Variants in PCDH11X observed in about 807,000 individuals in gnomAD.
PCDH11X encodes protocadherin-11 X-linked.
A neutral mutation model predicts 53.3 loss-of-function variants in PCDH11X; 18 were observed. The ratio of observed to expected loss-of-function variants is 0.34; its 90% CI spans 0.23 to 0.50. PCDH11X has a LOEUF of 0.50. PCDH11X is among the 20% of genes least tolerant of loss of function. The pLI is 0.98. For missense variants in PCDH11X, 570 were observed against 1,032.4 expected, an observed-to-expected ratio of 0.55 and a Z score of 6.14; for synonymous variants, 279 against 393.3, an observed-to-expected ratio of 0.71 and a Z score of 3.44.
intron 6 of PCDH11X, among the ~76,000 whole-genome samples, chrX:91,973,602 A>G: frequency 9.8e-6 from 1 of 102,520 alleles, no homozygotes; most frequent in South Asian, 4.6e-4. Context: ...GCACACCATA[A>G]GTATATACAA....
intron 1 of PCDH11X, among the ~76,000 whole-genome samples, chrX:91,792,552 C>T (rs1203327731): frequency 1.8e-5 from 2 of 110,958 alleles, no homozygotes; most frequent in African/African-American, 3.3e-5. Flanking sequence ...CTGTATAATA[C>T]ATACTAAATG....
At chrX:92,575,098 A>G (rs1157237671) in intron 10 of PCDH11X, among the ~76,000 whole-genome samples, 1 of 111,018 alleles carries the variant, frequency 9.0e-6, no homozygotes, top group African/African-American at 3.3e-5. Flanking sequence ...TTGGTTTGCT[A>G]TATTATTTTA....
chrX:91,822,295 A>T (rs1305016256), intron 4 of PCDH11X, among the ~76,000 whole-genome samples: 5 of 106,067 alleles, frequency 4.7e-5, no homozygotes, highest in Admixed American at 2.0e-4. Context: ...CTGTGAATCC[A>T]TCTGGTCCTG....
intron 5 of PCDH11X, among the ~76,000 whole-genome samples, chrX:91,874,321 A>G (rs1602403260): frequency 9.1e-6 from 1 of 110,474 alleles, no homozygotes; most frequent in South Asian, 3.8e-4. Flanking sequence ...AATATGCAGT[A>G]TATCAAATAA....
intron 6 of PCDH11X, among the ~76,000 whole-genome samples, chrX:92,184,884 A>G (rs756686043): frequency 1.3e-4 from 14 of 110,624 alleles, no homozygotes; most frequent in African/African-American, 4.6e-4. Flanking sequence ...TCTCTACAAC[A>G]AAAATAATAA....
intron 8 of PCDH11X, among the ~76,000 whole-genome samples, chrX:92,269,914 C>T (rs2067914622): frequency 9.0e-6 from 1 of 110,948 alleles, no homozygotes; most frequent in African/African-American, 3.3e-5. Context: ...CTGCTTCCTA[C>T]ATCCAAACTT....
chrX:91,968,259 T>C (rs2061895411), intron 6 of PCDH11X, among the ~76,000 whole-genome samples: 1 of 111,644 alleles, frequency 9.0e-6, no homozygotes, highest in Non-Finnish European at 1.9e-5. Context: ...CTGTGCTGTT[T>C]TAATATTTTT....
At chrX:92,001,204 A>G (rs888199389) in intron 6 of PCDH11X, among the ~76,000 whole-genome samples, 4 of 111,573 alleles carry the variant, frequency 3.6e-5, no homozygotes, top group Non-Finnish European at 7.5e-5. Flanking sequence ...AACTGTATAT[A>G]AGAATTATTT....
At chrX:91,921,903 C>G (rs1941754524) in intron 6 of PCDH11X, among the ~76,000 whole-genome samples, 1 of 110,837 alleles carries the variant, frequency 9.0e-6, no homozygotes, top group African/African-American at 3.3e-5. Context: ...TCCAAAGTGG[C>G]TATAGATTCT....
At chrX:92,331,169 C>T (rs1211664875) in intron 8 of PCDH11X, among the ~76,000 whole-genome samples, 1 of 109,786 alleles carries the variant, frequency 9.1e-6, no homozygotes, top group East Asian at 2.9e-4. Context: ...TACAATGTAG[C>T]CTTGTAGGAA....
chrX:91,878,254 G>A lies in PCDH11X; in HGVS notation c.2014G>A (p.Val672Ile). The stretch of plus-strand genomic sequence containing the variant: ...GGTTGATGTCAATGACAACAAACCA[G>A]TTTTCATTGTCCCTCCTTCCAACTG... ...NVVDVNDNKP[V>I]FIVPPSNCSY... Residue 672 changes from valine to isoleucine, a missense_variant, in exon 6 of 11, where the codon GTT (valine) becomes ATT (isoleucine). Val to Ile is a conservative substitution (Grantham distance 29, BLOSUM62 3). Around this residue, in one of 6 missense-constraint regions of PCDH11X, gnomAD observed 226 missense variants for 457.5 expected, o/e 0.49. Transcript: ENST00000682573. 1 of 1,211,363 alleles carries A rather than the reference G, an allele frequency of 8.3e-7. No homozygotes were observed.
intron 8 of PCDH11X, among the ~76,000 whole-genome samples, chrX:92,326,639 TAGAGAGAGAG>T (rs1556365466): frequency 2.5e-5 from 1 of 39,331 alleles, no homozygotes; most frequent in Non-Finnish European, 3.8e-5. Flanking sequence ...TATATATATA[TAGAGAGAGAG>T]AGAGAGAGAG....
intron 7 of PCDH11X, among the ~76,000 whole-genome samples, chrX:92,208,908 C>T (rs1295934138): frequency 9.0e-6 from 1 of 110,548 alleles, no homozygotes; most frequent in Non-Finnish European, 1.9e-5. Flanking sequence ...AAGGGTAAGC[C>T]AGTCCATCTT....
At chrX:91,828,364 C>T (rs943607807) in intron 4 of PCDH11X, among the ~76,000 whole-genome samples, 10 of 110,610 alleles carry the variant, frequency 9.0e-5, no homozygotes, top group African/African-American at 3.3e-4. Flanking sequence ...TCGTGATCCG[C>T]CCGCTTCGGC....
chrX:92,389,235 T>G (rs1221143303), intron 9 of PCDH11X, among the ~76,000 whole-genome samples: 1 of 110,328 alleles, frequency 9.1e-6, no homozygotes, highest in Non-Finnish European at 1.9e-5. Flanking sequence ...ATCTTTAATT[T>G]ACTTTGTTTA....
chrX:92,368,755 G>T, intron 8 of PCDH11X, among the ~76,000 whole-genome samples: 1 of 109,879 alleles, frequency 9.1e-6, no homozygotes, highest in African/African-American at 3.3e-5. Flanking sequence ...AAGCAGGCCT[G>T]TCTGCTGCAG....
chrX:92,054,411 T>G (rs754675213), intron 6 of PCDH11X, among the ~76,000 whole-genome samples: 1 of 111,892 alleles, frequency 8.9e-6, no homozygotes, highest in Non-Finnish European at 1.9e-5. Flanking sequence ...ATGTGAAAAT[T>G]TTTACTTCAT....
chrX:92,476,267 C>CCTAACAGA (rs2073384269), intron 10 of PCDH11X, among the ~76,000 whole-genome samples: 1 of 111,826 alleles, frequency 8.9e-6, no homozygotes, highest in Non-Finnish European at 1.9e-5. Flanking sequence ...ACTTCTGTTA[C>CCTAACAGA]CTTGTAAGTT....
chrX:92,096,314 T>C (rs759756224), intron 6 of PCDH11X, among the ~76,000 whole-genome samples: 187 of 110,827 alleles, frequency 1.7e-3, no homozygotes, highest in Non-Finnish European at 2.9e-3. Context: ...TATGATTTAA[T>C]ATACAAGGCA....
Sources: gnomAD v4.1 joint callset for allele counts (sites outside exome capture counted in the v4.1 genomes callset) on GRCh38, gnomAD v4.1.1 for gene constraint, gnomAD v4.1.1 regional missense constraint, MANE v1.5 for transcripts, NCBI Gene and HGNC (gene_info 2026-07-23, HGNC 2026-07-21) for gene names.